Variants in B4GALNT3 observed in about 807,000 individuals in gnomAD.
B4GALNT3 encodes the protein beta-1,4-N-acetylgalactosaminyltransferase 3.
In B4GALNT3, 86 loss-of-function variants were observed where a neutral mutation model predicts 120.2. That is an observed-to-expected ratio of 0.72 (90% CI 0.60 to 0.86). B4GALNT3 has a LOEUF of 0.86. B4GALNT3 is among the 40% of genes least tolerant of loss of function. The probability of loss-of-function intolerance (pLI) is 0.00; values close to 1 mark genes in which losing one functional copy is unlikely to be tolerated. For missense variants in B4GALNT3, 1,167 were observed against 1,298.9 expected, an observed-to-expected ratio of 0.90 and a Z score of 1.56; for synonymous variants, 518 against 510.4, an observed-to-expected ratio of 1.01 and a Z score of -0.20.
At position 553,311 on chromosome 12, in the gene B4GALNT3, T is replaced by C; in HGVS notation, c.1388T>C (p.Leu463Pro). 6.2e-7 allele frequency: 1 copy of C among 1,613,686 alleles called. No individual in the cohort carries two copies. Among genetic ancestry groups the C allele is most frequent in the Non-Finnish European group, 8.5e-7 (1 of 1,180,026 alleles). ...LEGRQTPAST[L>P]EQDATDYRLR... ...GGAAGACAGACACCTGCCTCCACCCTGGAGCAAGATGCCACTGACTACCGC... is the reference window on the plus strand; with the variant it reads ...GGAAGACAGACACCTGCCTCCACCCCGGAGCAAGATGCCACTGACTACCGC... The change falls in exon 14 of 20, where the codon CTG becomes CCG. Residue 463 changes from leucine to proline, a missense_variant. Physicochemically the swap from Leu to Pro is moderately conservative, Grantham distance 98. Coordinates refer to ENST00000266383, the MANE Select transcript of B4GALNT3 (RefSeq NM_173593.4).
chr12:524,461 G>A (rs1460785172), intron 1 of B4GALNT3, among the ~76,000 whole-genome samples: 5 of 152,208 alleles, frequency 3.3e-5, no homozygotes, highest in African/African-American at 1.2e-4. Context: ...GGAGCCGTCA[G>A]GTGGGGAGAG....
Position 505,648 on chromosome 12 carries a change from C to G in B4GALNT3, c.170-29518C>G, listed in dbSNP as rs200025794. ...GTCCATTTTCAGAATGTTCCCACTGCATGAAGTATTGTCTCCCTGCCACAC... is the reference window on the plus strand; with the variant it reads ...GTCCATTTTCAGAATGTTCCCACTGGATGAAGTATTGTCTCCCTGCCACAC... On this transcript the variant is annotated intron_variant, in intron 1 of 19. Coordinates refer to ENST00000266383, the MANE Select transcript of B4GALNT3 (RefSeq NM_173593.4). Among the ~76,000 whole-genome samples the G allele has an allele frequency of 1.5e-4, 23 of 152,340 alleles. No individual in the cohort carries two copies. The East Asian group carries it at 4.4e-3, about 29-fold the overall frequency.
rs1946273577 is a variant in B4GALNT3 at position 484,707 on chromosome 12, TG to T, written c.169+24164del. Among the ~76,000 whole-genome samples, 4 of 151,082 alleles carry T rather than the reference TG, an allele frequency of 2.6e-5. 1 individual carries two copies. The South Asian group carries it at 8.5e-4, about 32-fold the overall frequency. On this transcript the variant is annotated intron_variant, in intron 1 of 19. Coordinates refer to ENST00000266383, the MANE Select transcript of B4GALNT3 (RefSeq NM_173593.4). ...ACCTGGATGCCGCCTGGCCCCAGGC[TG>T]GCCCAAGGATTAGGCAGGACAAGTC...
At chr12:537,275 G>T (rs543152735) in intron 3 of B4GALNT3, among the ~76,000 whole-genome samples, 2 of 152,292 alleles carry the variant, frequency 1.3e-5, no homozygotes, top group South Asian at 4.1e-4. Flanking sequence ...GATAGATTGT[G>T]TGTCATCTTT....
rs370581465 is a variant in B4GALNT3, at chr12:553,576, C to T, written c.1653C>T (p.Pro551=). 32 of 1,613,854 alleles carry T rather than the reference C, an allele frequency of 2.0e-5. No individual in the cohort carries two copies. The highest frequency in any genetic ancestry group is 1.8e-4 in the South Asian group (16 of 91,096). The change falls in exon 14 of 20, where the codon CCC becomes CCT. Residue 551 remains proline (P), a synonymous_variant. Transcript: ENST00000266383. ...LPQMRGPRPR[P]AGDSPRKTQW... ...AGATGAGGGGGCCCAGGCCCAGGCCCGCTGGTGACAGCCCCAGGAAGACTC... is the reference window on the plus strand; with the variant it reads ...AGATGAGGGGGCCCAGGCCCAGGCCTGCTGGTGACAGCCCCAGGAAGACTC...
chr12:557,524 A>G (rs1446348225), intron 15 of B4GALNT3, 84 bp from the exon 16 acceptor site: 1 of 1,450,542 alleles, frequency 6.9e-7, no homozygotes, highest in East Asian at 2.3e-5. Context: ...CTCCTGACTC[A>G]CCTGGGAGCT....
intron 1 of B4GALNT3, among the ~76,000 whole-genome samples, chr12:507,719 G>A: frequency 6.6e-6 from 1 of 152,246 alleles, no homozygotes; most frequent in East Asian, 1.9e-4. Context: ...CCAAAGAAAA[G>A]CACTAGGTAG....
intron 1 of B4GALNT3, among the ~76,000 whole-genome samples, chr12:517,868 G>T (rs903202516): frequency 6.6e-6 from 1 of 152,190 alleles, no homozygotes; most frequent in Admixed American, 6.5e-5. Context: ...CACCAGTGGG[G>T]CTCCACAATA....
In B4GALNT3 at chr12:479,982, C is replaced by T. The variant is rs373944380; in HGVS notation, c.169+19437C>T. Reference sequence around the variant, plus strand: ...AGGCTGGAGTGCAGTGGCGCCATCTCGGCTCACTGCAAGCTCCACCTCCCG... The same window carrying T: ...AGGCTGGAGTGCAGTGGCGCCATCTTGGCTCACTGCAAGCTCCACCTCCCG... On this transcript the variant is annotated intron_variant, in intron 1 of 19. Transcript: ENST00000266383. Among the ~76,000 whole-genome samples the T allele has an allele frequency of 4.2e-5, 6 of 141,394 alleles. No individual in the cohort carries two copies. In the South Asian group the frequency reaches 1.3e-3, roughly 31 times the overall value. The allele number at this position is 141,394 out of a possible 152,430, so 92.8% of individuals were successfully genotyped here. A position where few individuals can be genotyped will look rare whatever the true frequency, so the allele number is the denominator to read the frequency against.
chr12:548,019 G>T lies in B4GALNT3; in HGVS notation c.708-5G>T. The T allele has an allele frequency of 1.2e-6, 2 of 1,613,638 alleles. No individual in the cohort carries two copies. Among genetic ancestry groups the T allele is most frequent in the Admixed American group, 1.7e-5 (1 of 59,996 alleles). On this transcript the variant is annotated splice_polypyrimidine_tract_variant and splice_region_variant and intron_variant, in intron 7 of 19. Coordinates refer to ENST00000266383, the MANE Select transcript of B4GALNT3 (RefSeq NM_173593.4). This position sits in a 1 kb window ranked among gnomAD's most constrained non-coding sequence, Gnocchi z 4.9. ...GCTCTGCTTCCCTGCCCTCTCTCCCGCCAGCCTGTCAGCCTCCCACAGGTA... is the reference window on the plus strand; with the variant it reads ...GCTCTGCTTCCCTGCCCTCTCTCCCTCCAGCCTGTCAGCCTCCCACAGGTA...
At chr12:464,749 G>A (rs1946060666) in intron 1 of B4GALNT3, among the ~76,000 whole-genome samples, 1 of 152,216 alleles carries the variant, frequency 6.6e-6, no homozygotes, top group African/African-American at 2.4e-5. Flanking sequence ...CCATTTAAGT[G>A]CCAGGATTAC....
chr12:489,767 A>G (rs575630934), intron 1 of B4GALNT3, among the ~76,000 whole-genome samples: 1 of 152,348 alleles, frequency 6.6e-6, no homozygotes, highest in African/African-American at 2.4e-5. Flanking sequence ...AACTGGATAT[A>G]ATTGACATCT....
intron 6 of B4GALNT3, 87 bp from the exon 7 acceptor site, chr12:546,559 G>A (rs1327834811): frequency 1.6e-6 from 2 of 1,216,856 alleles, no homozygotes; most frequent in African/African-American, 1.5e-5. Flanking sequence ...TCACTTCTTG[G>A]TTCTCCTTCC....
chr12:534,834 G>A (rs997798758), intron 1 of B4GALNT3, among the ~76,000 whole-genome samples: 37 of 152,224 alleles, frequency 2.4e-4, no homozygotes, highest in Admixed American at 1.3e-4. Flanking sequence ...CTCCACGGCA[G>A]CTCTCGGGAT....
At chr12:483,525 C>A (rs1453561022) in intron 1 of B4GALNT3, among the ~76,000 whole-genome samples, 1 of 152,112 alleles carries the variant, frequency 6.6e-6, no homozygotes, top group Non-Finnish European at 1.5e-5. Context: ...GGTGAAACCC[C>A]CTCTCTACCA....
rs1243264871 is a variant in B4GALNT3, at chr12:543,103, C to G, written c.352-1236C>G. 3.1e-6 allele frequency: 4 copies of G among 1,289,112 alleles called. No individual in the cohort carries two copies. In the South Asian group the frequency reaches 4.9e-5, roughly 16 times the overall value. 79.9% of individuals were successfully genotyped at this position (1,289,112 alleles called of 1,614,324 possible). ...GTTGCCTGGGGAATGAACACCAGCC[C>G]CCTTCCTGCATGGGAGGTCCAGGGA... On this transcript the variant is annotated intron_variant, in intron 3 of 19. Coordinates refer to ENST00000266383, the MANE Select transcript of B4GALNT3 (RefSeq NM_173593.4).
chr12:497,180 T>C (rs1276283682), intron 1 of B4GALNT3, among the ~76,000 whole-genome samples: 1 of 151,280 alleles, frequency 6.6e-6, no homozygotes, highest in Admixed American at 6.6e-5. Flanking sequence ...TGAGACGGAG[T>C]TTCGCTCTTG....
intron 3 of B4GALNT3, chr12:543,053 C>G (rs1946937449): frequency 5.7e-6 from 7 of 1,229,080 alleles, no homozygotes; most frequent in Non-Finnish European, 7.5e-6. Context: ...GTCCTCTCAG[C>G]TATTCTGTCA....
intron 1 of B4GALNT3, among the ~76,000 whole-genome samples, chr12:480,129 A>G (rs1179871588): frequency 1.3e-5 from 2 of 151,476 alleles, no homozygotes; most frequent in East Asian, 2.0e-4. Context: ...GTTAGCCAGG[A>G]TGGTCTCGAT....
Sources: allele counts gnomAD v4.1 joint callset (sites outside exome capture counted in the v4.1 genomes callset), GRCh38; gene constraint gnomAD v4.1.1; non-coding constraint Gnocchi (gnomAD v3.1); transcripts MANE v1.5; gene names NCBI Gene and HGNC (gene_info 2026-07-23, HGNC 2026-07-21).